TSPAN14: variants seen among roughly 807,000 people sequenced by gnomAD.
TSPAN14 encodes the protein tetraspanin-14.
Under a neutral mutation model 36.6 loss-of-function variants are expected in TSPAN14, and 16 were observed. The ratio of observed to expected loss-of-function variants is 0.44; its 90% CI spans 0.30 to 0.66. The LOEUF is 0.66. Among genes scored for constraint, TSPAN14 ranks in the 30% least tolerant of loss-of-function variants. The pLI, the probability that TSPAN14 is intolerant of heterozygous loss-of-function variation, is 0.12. For missense variants in TSPAN14, 231 were observed against 355.1 expected (o/e 0.65, Z 2.81); for synonymous variants, 139 against 143.8 (o/e 0.97, Z 0.24).
chr10:80,483,833 C>G (rs1030106870), intron 1 of TSPAN14, among the ~76,000 whole-genome samples: 1 of 132,548 alleles, frequency 7.5e-6, no homozygotes, highest in Non-Finnish European at 1.5e-5. Context: ...TCACTTGAAC[C>G]CGGGAGGCGG....
chr10:80,506,962 C>T (rs375429367), intron 3 of TSPAN14, among the ~76,000 whole-genome samples: 1 of 152,248 alleles, frequency 6.6e-6, no homozygotes, highest in Non-Finnish European at 1.5e-5. Context: ...CCACAGGCTG[C>T]AGAAGAAGCC....
chr10:80,462,462 G>A (rs2131955542), intron 1 of TSPAN14, among the ~76,000 whole-genome samples: 1 of 152,196 alleles, frequency 6.6e-6, no homozygotes, highest in South Asian at 2.1e-4. Flanking sequence ...CAAATGGTCT[G>A]GCCAGTCCTG....
At chr10:80,517,184 C>G (rs1460905017) in intron 8 of TSPAN14, among the ~76,000 whole-genome samples, 1 of 152,140 alleles carries the variant, frequency 6.6e-6, no homozygotes, top group Non-Finnish European at 1.5e-5. Flanking sequence ...ACCAGCCACC[C>G]ACACATGCCT....
intron 1 of TSPAN14, 35 bp from the exon 2 acceptor site, chr10:80,489,182 G>T: frequency 1.4e-6 from 2 of 1,415,068 alleles, no homozygotes. Flanking sequence ...TTAACGCTGA[G>T]CCTGCCATCT....
intron 1 of TSPAN14, among the ~76,000 whole-genome samples, chr10:80,456,310 A>G (rs1486456460): frequency 6.6e-6 from 1 of 152,180 alleles, no homozygotes; most frequent in East Asian, 1.9e-4. Context: ...TGCCCCAGGA[A>G]GAAAGGGCAT....
At chr10:80,479,774 G>A (rs972376468) in intron 1 of TSPAN14, among the ~76,000 whole-genome samples, 23 of 150,998 alleles carry the variant, frequency 1.5e-4, no homozygotes, top group South Asian at 6.4e-4. Context: ...TTGGCGATGC[G>A]GGCTCTTTTT....
intron 2 of TSPAN14, among the ~76,000 whole-genome samples, chr10:80,491,958 T>C (rs1212712929): frequency 6.6e-6 from 1 of 152,130 alleles, no homozygotes; most frequent in Non-Finnish European, 1.5e-5. Flanking sequence ...GCAATGGAGC[T>C]GGCAAATGGG....
intron 1 of TSPAN14, among the ~76,000 whole-genome samples, chr10:80,464,823 G>A (rs1401256077): frequency 6.6e-6 from 1 of 152,074 alleles, no homozygotes; most frequent in Non-Finnish European, 1.5e-5. Flanking sequence ...CAGGGGCTCT[G>A]CCCTGGTTTC....
At chr10:80,485,188 T>TA (rs1363248830) in intron 1 of TSPAN14, among the ~76,000 whole-genome samples, 5 of 140,412 alleles carry the variant, frequency 3.6e-5, no homozygotes, top group Non-Finnish European at 6.3e-5. Context: ...GGAAGGTTCT[T>TA]AGTCATGCGT....
At chr10:80,462,353 GTGGGA>G (rs1211950146) in intron 1 of TSPAN14, among the ~76,000 whole-genome samples, 5 of 145,662 alleles carry the variant, frequency 3.4e-5, no homozygotes, top group East Asian at 2.0e-4. Flanking sequence ...TAGGAATGGG[GTGGGA>G]TGGGATGGGA....
At chr10:80,510,251 A>T (rs1370936857) in intron 5 of TSPAN14, among the ~76,000 whole-genome samples, 2 of 152,264 alleles carry the variant, frequency 1.3e-5, no homozygotes, top group African/African-American at 2.4e-5. Context: ...AGAAGAAAAT[A>T]AATCAGAAAC....
At chr10:80,467,580 A>G (rs1846311215) in intron 1 of TSPAN14, among the ~76,000 whole-genome samples, 1 of 152,186 alleles carries the variant, frequency 6.6e-6, no homozygotes, top group Non-Finnish European at 1.5e-5. Context: ...GGTTCTATTA[A>G]TCTAACTCCA....
intron 3 of TSPAN14, among the ~76,000 whole-genome samples, chr10:80,507,000 C>T (rs921335813): frequency 4.6e-5 from 7 of 152,210 alleles, no homozygotes; most frequent in African/African-American, 1.2e-4. Context: ...GAACTTGTAG[C>T]GTAGGTGGAG....
intron 1 of TSPAN14, among the ~76,000 whole-genome samples, chr10:80,483,911 C>CAAAAAAAAAA (rs57795678): frequency 6.0e-5 from 1 of 16,544 alleles, no homozygotes; most frequent in Non-Finnish European, 1.1e-4. Flanking sequence ...ACTCTTGTCT[C>CAAAAAAAAAA]AAAAAAAAAA....
At chr10:80,501,101 C>T (rs1013472495) in intron 2 of TSPAN14, among the ~76,000 whole-genome samples, 7 of 134,298 alleles carry the variant, frequency 5.2e-5, no homozygotes, top group South Asian at 2.7e-4. Flanking sequence ...ATGGAACTGA[C>T]GCTGTTTTTT....
At chr10:80,460,910 T>A (rs372832972) in intron 1 of TSPAN14, among the ~76,000 whole-genome samples, 54 of 152,322 alleles carry the variant, frequency 3.5e-4, no homozygotes, top group African/African-American at 1.3e-3. Flanking sequence ...TCCATCAGCC[T>A]GGGGATTGAC....
chr10:80,489,971 C>G (rs1306899406), intron 2 of TSPAN14, among the ~76,000 whole-genome samples: 1 of 152,158 alleles, frequency 6.6e-6, no homozygotes, highest in Non-Finnish European at 1.5e-5. Context: ...AAAGGACAAA[C>G]AGAAGGCCAT....
intron 1 of TSPAN14, among the ~76,000 whole-genome samples, chr10:80,466,797 G>GT (rs1335712789): frequency 2.0e-5 from 3 of 152,174 alleles, no homozygotes; most frequent in Non-Finnish European, 4.4e-5. Context: ...TTGGATTACG[G>GT]TTTTGTTTTA....
chr10:80,484,274 G>GC (rs1213613509), intron 1 of TSPAN14, among the ~76,000 whole-genome samples: 2 of 151,718 alleles, frequency 1.3e-5, no homozygotes, highest in African/African-American at 4.8e-5. Context: ...GTATATCTGG[G>GC]TTGTCTTTAA....
Sources: gnomAD v4.1 joint callset for allele counts (sites outside exome capture counted in the v4.1 genomes callset) on GRCh38, gnomAD v4.1.1 for gene constraint, MANE v1.5 for transcripts, NCBI Gene and HGNC (gene_info 2026-07-23, HGNC 2026-07-21) for gene names.